DGKI: variants seen among roughly 807,000 people sequenced by gnomAD.
DGKI encodes diacylglycerol kinase iota.
DGKI carries 55 observed loss-of-function variants against 147.5 expected under a neutral mutation model. That is an observed-to-expected ratio of 0.37 (90% CI 0.30 to 0.47). The LOEUF is 0.47. Ranked by LOEUF, DGKI falls within the 20% of genes least tolerant of loss-of-function variation. The pLI, the probability that DGKI is intolerant of heterozygous loss-of-function variation, is 1.00. For synonymous variants in DGKI, 469 were observed against 477.1 expected (o/e 0.98, Z 0.22); for missense variants, 1,007 against 1,323.8 (o/e 0.76, Z 3.71).
In DGKI at chr7:137,381,488, G is replaced by A. The variant is rs1811059730; in HGVS notation, c.*9732C>T. On this transcript the variant is annotated 3_prime_UTR_variant, in exon 33 of 33. Transcript: ENST00000614521. The stretch of plus-strand genomic sequence containing the variant: ...ATCATGAAAAAGCCCTTTATAATGT[G>A]ACTGCAACTCTTCATACAGATGTAG... 1 of 151,810 alleles carries A rather than the reference G, an allele frequency of 6.6e-6. No homozygotes were observed. The highest frequency in any genetic ancestry group is 2.4e-5 in the African/African-American group (1 of 41,410). 9.4% of individuals were successfully genotyped at this position (151,810 alleles called of 1,614,324 possible).
chr7:137,782,231 T>C (rs1796540397), intron 1 of DGKI, among the ~76,000 whole-genome samples: 2 of 152,074 alleles, frequency 1.3e-5, no homozygotes, highest in African/African-American at 2.4e-5. Context: ...TGCCTGGAAA[T>C]AGACTCGGTG....
At chr7:137,648,280 T>C (rs900119845) in intron 5 of DGKI, among the ~76,000 whole-genome samples, 1 of 152,222 alleles carries the variant, frequency 6.6e-6, no homozygotes, top group African/African-American at 2.4e-5. Context: ...AGAAGAAACA[T>C]GTTGGAAACA....
At chr7:137,418,235 A>C (rs1812431096) in intron 28 of DGKI, among the ~76,000 whole-genome samples, 1 of 152,226 alleles carries the variant, frequency 6.6e-6, no homozygotes, top group Non-Finnish European at 1.5e-5. Context: ...TTAGTTTACC[A>C]AGCTCCAGTT....
chr7:137,772,639 C>T lies in DGKI; in HGVS notation c.401+73823G>A, dbSNP rs1175408050. Among the ~76,000 whole-genome samples, 9 of 151,802 alleles carry T rather than the reference C, an allele frequency of 5.9e-5. No individual in the cohort carries two copies. The East Asian group carries it at 7.7e-4, about 13-fold the overall frequency. On this transcript the variant is annotated intron_variant, in intron 1 of 32. Transcript: ENST00000614521. The stretch of plus-strand genomic sequence containing the variant: ...TTTTAAGGTTTCATCACATGTATTG[C>T]TAATTCAAAAAAAAAGAAGAAGAAA...
rs1034553324 is a variant in DGKI, at chr7:137,577,101, C to T, written c.1761+121G>A. ...ATAAGTGTAGGTTGAATGAACTACA[C>T]AAAATGATCTCCAAAGTTCTATGCA... On this transcript the variant is annotated intron_variant, in intron 17 of 32. Transcript: ENST00000614521. 3.7e-4 allele frequency: 274 copies of T among 739,800 alleles called. 1 individual carries two copies. Among genetic ancestry groups the T allele is most frequent in the Middle Eastern group, 1.8e-3 (5 of 2,756 alleles). 45.8% of individuals were successfully genotyped at this position (739,800 alleles called of 1,614,324 possible).
intron 28 of DGKI, among the ~76,000 whole-genome samples, chr7:137,417,811 G>A (rs7805150): frequency 0.034 from 5,140 of 152,272 alleles, 139 homozygotes; most frequent in Non-Finnish European, 0.052. Flanking sequence ...TCCACCATGT[G>A]AGGACACAGT....
chr7:137,434,118 CA>C (rs60899883), intron 28 of DGKI, among the ~76,000 whole-genome samples: 59,162 of 129,024 alleles, frequency 0.46, 12,526 homozygotes, highest in East Asian at 0.75. Context: ...AACTCCATCT[CA>C]AAAAAAAAAA....
intron 2 of DGKI, among the ~76,000 whole-genome samples, chr7:137,684,032 G>T (rs533167538): frequency 6.6e-6 from 1 of 152,282 alleles, no homozygotes; most frequent in East Asian, 1.9e-4. Context: ...AAATGAAGAC[G>T]CTTGCTTATA....
At chr7:137,569,532 T>A (rs1219740937) in intron 19 of DGKI, among the ~76,000 whole-genome samples, 4 of 151,368 alleles carry the variant, frequency 2.6e-5, no homozygotes, top group Non-Finnish European at 5.9e-5. Context: ...ATCGAGACCA[T>A]CCTGGCAAAC....
intron 1 of DGKI, among the ~76,000 whole-genome samples, chr7:137,828,410 C>T (rs1798122446): frequency 6.6e-6 from 1 of 152,164 alleles, no homozygotes; most frequent in African/African-American, 2.4e-5. Flanking sequence ...GAGAAAACCC[C>T]AATGTTCTCC....
At chr7:137,401,936 G>T (rs1203684446) in intron 30 of DGKI, among the ~76,000 whole-genome samples, 1 of 152,140 alleles carries the variant, frequency 6.6e-6, no homozygotes, top group Non-Finnish European at 1.5e-5. Context: ...CCTGCATTGT[G>T]GTTATTTATC....
intron 5 of DGKI, among the ~76,000 whole-genome samples, chr7:137,650,881 G>C (rs1158110605): frequency 6.6e-6 from 1 of 152,212 alleles, no homozygotes; most frequent in Non-Finnish European, 1.5e-5. Context: ...GTCACGCAAA[G>C]AGATTTTCAG....
At chr7:137,601,485 C>T (rs904894240) in intron 10 of DGKI, among the ~76,000 whole-genome samples, 3 of 152,148 alleles carry the variant, frequency 2.0e-5, no homozygotes, top group African/African-American at 7.2e-5. Flanking sequence ...TAATAAGCTG[C>T]ATTTAAGAGT....
Position 137,577,352 on chromosome 7 carries a change from T to C in DGKI, c.1699-68A>G, listed in dbSNP as rs1014851387. 7.0e-5 allele frequency: 77 copies of C among 1,097,216 alleles called. 1 individual carries two copies. The highest frequency in any genetic ancestry group is 1.0e-4 in the Non-Finnish European group (76 of 743,812). The allele number at this position is 1,097,216 out of a possible 1,614,324, so 68.0% of individuals were successfully genotyped here. ...TGGTGATACCAAATCCTTGCTTCCA[T>C]ATCCTAGATTCCAAGGATTCCAAAG... On this transcript the variant is annotated intron_variant, in intron 16 of 32. Transcript: ENST00000614521.
At chr7:137,437,138 C>T (rs1221886088) in intron 28 of DGKI, among the ~76,000 whole-genome samples, 1 of 152,094 alleles carries the variant, frequency 6.6e-6, no homozygotes, top group African/African-American at 2.4e-5. Context: ...CAATACTGCA[C>T]TGAAGGTTTT....
intron 27 of DGKI, among the ~76,000 whole-genome samples, chr7:137,453,996 G>A (rs940890536): frequency 2.0e-5 from 3 of 151,542 alleles, no homozygotes; most frequent in African/African-American, 7.3e-5. Context: ...TGTTCAGGTT[G>A]GGGAGATATT....
intron 28 of DGKI, among the ~76,000 whole-genome samples, chr7:137,430,666 T>C (rs950551152): frequency 2.6e-5 from 4 of 152,074 alleles, no homozygotes; most frequent in African/African-American, 4.8e-5. Context: ...AATAGAGTGA[T>C]GTAGAGAATG....
intron 23 of DGKI, 143 bp downstream of exon 23, chr7:137,485,231 C>T: frequency 1.4e-6 from 1 of 691,402 alleles, no homozygotes; most frequent in Non-Finnish European, 2.4e-6. Context: ...GCAAAAGAAT[C>T]AGAATACCAT....
chr7:137,747,962 AC>A (rs1397853540), intron 1 of DGKI, among the ~76,000 whole-genome samples: 6 of 152,342 alleles, frequency 3.9e-5, no homozygotes, highest in African/African-American at 1.4e-4. Context: ...AACACATTTT[AC>A]GACAAGGAAA....
Sources: gnomAD v4.1 joint callset for allele counts (sites outside exome capture counted in the v4.1 genomes callset) on GRCh38, gnomAD v4.1.1 for gene constraint, MANE v1.5 for transcripts, NCBI Gene and HGNC (gene_info 2026-07-23, HGNC 2026-07-21) for gene names.